RYR3: variants seen among roughly 807,000 people sequenced by gnomAD.
RYR3 encodes the protein brain ryanodine receptor-calcium release channel.
Under a neutral mutation model 584.3 loss-of-function variants are expected in RYR3, and 207 were observed. The ratio of observed to expected loss-of-function variants is 0.35; its 90% CI spans 0.32 to 0.40. The LOEUF is 0.40. RYR3 is among the 10% of genes least tolerant of loss of function. RYR3 has a pLI of 1.00. For synonymous variants in RYR3, 2,416 were observed against 2,248.5 expected (o/e 1.07, Z -2.11); for missense variants, 5,616 against 6,089.2 (o/e 0.92, Z 2.59).
chr15:33,838,482 C>T lies in RYR3; in HGVS notation c.12502C>T (p.Gln4168Ter). Residue 4168 changes from glutamine (Q) to a stop codon, truncating the protein, a stop_gained, in exon 89 of 104, where the codon CAG (glutamine) becomes TAG (stop). Transcript: ENST00000634891. LOFTEE classifies it high-confidence loss of function. ...KRATLKNLRK[Q>*]YRNVKKMTAK... is the part of the protein sequence containing the mutation. ...AGCAACCCTGAAGAACCTCAGGAAGCAGTACAGGAACGTGAAAAAGATGAC... is the reference window on the plus strand; with the variant it reads ...AGCAACCCTGAAGAACCTCAGGAAGTAGTACAGGAACGTGAAAAAGATGAC... 6.2e-7 allele frequency: 1 copy of T among 1,613,958 alleles called. No individual in the cohort carries two copies. The highest frequency in any genetic ancestry group is 8.5e-7 in the Non-Finnish European group (1 of 1,179,882).
At chr15:33,804,242 T>A (rs528659830) in intron 69 of RYR3, among the ~76,000 whole-genome samples, 2 of 152,334 alleles carry the variant, frequency 1.3e-5, no homozygotes, top group South Asian at 4.1e-4. Flanking sequence ...CTGAGCCACA[T>A]GGGATAGGGT....
intron 60 of RYR3, among the ~76,000 whole-genome samples, chr15:33,758,636 C>T (rs967784997): frequency 1.3e-5 from 2 of 152,204 alleles, no homozygotes; most frequent in African/African-American, 4.8e-5. Flanking sequence ...AGAAAGGAGG[C>T]AGCCCCAATC....
intron 19 of RYR3, among the ~76,000 whole-genome samples, chr15:33,623,090 G>GC (rs2060807684): frequency 1.3e-5 from 2 of 152,298 alleles, no homozygotes; most frequent in South Asian, 4.1e-4. Context: ...CAGGAGGTGG[G>GC]CCAGGGTGTC....
At chr15:33,650,509 T>C (rs747639996) in intron 31 of RYR3, among the ~76,000 whole-genome samples, 1 of 152,244 alleles carries the variant, frequency 6.6e-6, no homozygotes, top group East Asian at 1.9e-4. Context: ...GATAATAGTT[T>C]CTATCACAGA....
intron 3 of RYR3, among the ~76,000 whole-genome samples, chr15:33,528,903 G>A (rs1199005417): frequency 6.6e-6 from 1 of 152,216 alleles, no homozygotes; most frequent in Non-Finnish European, 1.5e-5. Flanking sequence ...GGACAAAGAA[G>A]AGTTGGAGGA....
Position 33,646,487 on chromosome 15 carries a change from G to A in RYR3, c.3902G>A (p.Ser1301Asn). ...SMPVECHSSF[S>N]HSPCLDSEAF... ...CCTGTCGAGTGCCACTCCTCCTTCA[G>A]CCACAGCCCCTGTCTGGACAGTGAA... The change falls in exon 29 of 104, where the codon AGC (serine) becomes AAC (asparagine). Residue 1301 changes from serine (S) to asparagine (N), a missense_variant. By Grantham distance (46) the Ser-to-Asn change is conservative. Transcript: ENST00000634891. The A allele has an allele frequency of 3.1e-6, 5 of 1,613,864 alleles. No homozygotes were observed. The highest frequency in any genetic ancestry group is 4.2e-6 in the Non-Finnish European group (5 of 1,179,800).
chr15:33,603,324 C>A lies in RYR3; in HGVS notation c.2124C>A (p.Asp708Glu), dbSNP rs1474394036. 1.2e-6 allele frequency: 2 copies of A among 1,611,438 alleles called. No individual in the cohort carries two copies. The highest frequency in any genetic ancestry group is 1.7e-5 in the Admixed American group (1 of 59,860). Residue 708 changes from aspartate to glutamate, a missense_variant, in exon 18 of 104, where the codon GAC becomes GAA. Physicochemically the swap from Asp to Glu is conservative, Grantham distance 45. Transcript: ENST00000634891. ...GGGGAGGCAATGGTGTTGGTGACGA[C>A]CTGTACTCCTATGGCTTTGATGGAC... The part of the protein sequence containing the change: ...EGWGGNGVGD[D>E]LYSYGFDGLH...
chr15:33,504,483 A>G (rs899111942), intron 3 of RYR3, among the ~76,000 whole-genome samples: 1 of 152,212 alleles, frequency 6.6e-6, no homozygotes, highest in Non-Finnish European at 1.5e-5. Context: ...ACTCCATTAG[A>G]TGACTGTCCT....
intron 1 of RYR3, among the ~76,000 whole-genome samples, chr15:33,328,838 T>C (rs927006919): frequency 6.6e-6 from 1 of 152,212 alleles, no homozygotes; most frequent in Admixed American, 6.5e-5. Context: ...ACTTCCTTCA[T>C]CCTTTGCTTA....
chr15:33,709,588 G>A (rs2066949516), intron 43 of RYR3, among the ~76,000 whole-genome samples: 1 of 152,186 alleles, frequency 6.6e-6, no homozygotes, highest in Non-Finnish European at 1.5e-5. Context: ...TAAAATGGCT[G>A]GAGGCCACGA....
At chr15:33,778,083 T>A in intron 64 of RYR3, among the ~76,000 whole-genome samples, 1 of 151,598 alleles carries the variant, frequency 6.6e-6, no homozygotes, top group East Asian at 2.0e-4. Flanking sequence ...GGCAGGAGAG[T>A]CACTTAAACC....
At chr15:33,660,952 G>A (rs1169951337) in intron 34 of RYR3, among the ~76,000 whole-genome samples, 1 of 152,198 alleles carries the variant, frequency 6.6e-6, no homozygotes, top group African/African-American at 2.4e-5. Context: ...TAATGAGATT[G>A]TATAAGTATA....
intron 43 of RYR3, among the ~76,000 whole-genome samples, chr15:33,718,204 A>G (rs1881989430): frequency 6.6e-6 from 1 of 152,148 alleles, no homozygotes; most frequent in South Asian, 2.1e-4. Context: ...CTTTAGGACT[A>G]ATTGAAATCT....
In RYR3 at chr15:33,446,857, C is replaced by A. The variant is rs142917146; in HGVS notation, c.52-26562C>A. 5.9e-5 allele frequency among the ~76,000 whole-genome samples: 9 copies of A among 152,344 alleles called. No homozygotes were observed. The East Asian group carries it at 1.7e-3, about 29-fold the overall frequency. ...AGTGTCATTAACAGCTGTTACTCTT[C>A]CTTCTCTTACATATATTGTAGAAGG... On this transcript the variant is annotated intron_variant, in intron 1 of 103. Coordinates refer to ENST00000634891, the MANE Select transcript of RYR3 (RefSeq NM_001036.6).
At chr15:33,650,943 A>G (rs1276919260) in intron 31 of RYR3, among the ~76,000 whole-genome samples, 3 of 152,206 alleles carry the variant, frequency 2.0e-5, no homozygotes, top group African/African-American at 7.2e-5. Flanking sequence ...TTGGAAAGGA[A>G]AGTATTCTAA....
chr15:33,312,648 C>T (rs990967137), intron 1 of RYR3, among the ~76,000 whole-genome samples: 2 of 152,116 alleles, frequency 1.3e-5, no homozygotes, highest in Non-Finnish European at 2.9e-5. Context: ...TGCCTTGTGT[C>T]CTCCATGATC....
rs747633069 is a variant in RYR3, at chr15:33,854,405, A to G, written c.13816A>G (p.Met4606Val). 2.2e-5 allele frequency: 35 copies of G among 1,574,654 alleles called. No individual in the cohort carries two copies. Among genetic ancestry groups the G allele is most frequent in the Admixed American group, 3.7e-5 (2 of 54,016 alleles). ...SLVSWLSSID[M>V]KYHIWKLGVV... ...CTTCTCTAGGCTAAGTTCCATAGAC[A>G]TGAAGTACCATATCTGGAAGCTTGG... Residue 4606 changes from methionine (M) to valine (V), a missense_variant, in exon 97 of 104, where the codon ATG (methionine) becomes GTG (valine). By Grantham distance (21) the Met-to-Val change is conservative. Coordinates refer to ENST00000634891, the MANE Select transcript of RYR3 (RefSeq NM_001036.6).
At chr15:33,676,241 T>TAAAA (rs10690504) in intron 38 of RYR3, among the ~76,000 whole-genome samples, 11 of 143,326 alleles carry the variant, frequency 7.7e-5, no homozygotes, top group African/African-American at 2.3e-4. Flanking sequence ...CTCTAGAAGG[T>TAAAA]AAAAAAAAAA....
At chr15:33,794,311 A>T (rs867643514) in intron 67 of RYR3, among the ~76,000 whole-genome samples, 1,029 of 31,612 alleles carry the variant, frequency 0.033, 10 homozygotes, top group East Asian at 0.32. Context: ...ATATATTTTT[A>T]TATATATATA....
Sources: gnomAD v4.1 joint callset for allele counts (sites outside exome capture counted in the v4.1 genomes callset) on GRCh38, gnomAD v4.1.1 for gene constraint, MANE v1.5 for transcripts, NCBI Gene and HGNC (gene_info 2026-07-23, HGNC 2026-07-21) for gene names.